IQCE: variants seen among roughly 807,000 people sequenced by gnomAD.
IQCE encodes the protein IQ motif containing E.
A neutral mutation model predicts 96.0 loss-of-function variants in IQCE; 115 were observed. The observed-to-expected ratio is 1.20, with a 90% confidence interval of 1.03 to 1.40. IQCE has a LOEUF of 1.40. Ranked by LOEUF, IQCE falls within the 40% of genes most tolerant of loss-of-function variation. IQCE has a pLI of 0.00. For synonymous variants in IQCE, 412 were observed against 371.2 expected (o/e 1.11, Z -1.26); for missense variants, 1,041 against 909.1 (o/e 1.15, Z -1.87).
rs538653721 is a variant in IQCE at position 2,597,868 on chromosome 7, A to T, written c.1441-597A>T. ...TTTTTCATAGAGATGGGGTCTCGCT[A>T]TGTTGGCCAGGCTGGTCTTGAACTC... On this transcript the variant is annotated intron_variant, in intron 16 of 21. Coordinates refer to ENST00000402050, the MANE Select transcript of IQCE (RefSeq NM_152558.5). Among the ~76,000 whole-genome samples the T allele has an allele frequency of 7.2e-5, 11 of 152,020 alleles. No homozygotes were observed. The East Asian group carries it at 1.7e-3, about 24-fold the overall frequency.
intron 1 of IQCE, among the ~76,000 whole-genome samples, chr7:2,566,158 T>C (rs1449882460): frequency 1.3e-5 from 2 of 152,244 alleles, no homozygotes. Context: ...CATTCAGCTC[T>C]AACTTCCAGT....
At position 2,586,375 on chromosome 7, in the gene IQCE, C is replaced by A. The variant is rs755539386; in HGVS notation, c.988+4C>A. Reference sequence around the variant, plus strand: ...CCAACCATCTCCAAGACACAGGGTACCTTCCTGAAAGCCACTCCAGGAGGG... The same window carrying A: ...CCAACCATCTCCAAGACACAGGGTAACTTCCTGAAAGCCACTCCAGGAGGG... On this transcript the variant is annotated splice_donor_region_variant and intron_variant, in intron 12 of 21. Coordinates refer to ENST00000402050, the MANE Select transcript of IQCE (RefSeq NM_152558.5). 3.6e-5 allele frequency: 58 copies of A among 1,608,222 alleles called. No individual in the cohort carries two copies. The Admixed American group carries it at 9.5e-4, about 26-fold the overall frequency.
intron 10 of IQCE, 38 bp downstream of exon 10, chr7:2,583,747 C>T (rs538712238): frequency 1.6e-5 from 15 of 949,736 alleles, no homozygotes; most frequent in African/African-American, 5.4e-5. Context: ...GGGCGGGCAC[C>T]GAGCTGGGCG....
chr7:2,561,729 A>G (rs1426274550), intron 1 of IQCE, among the ~76,000 whole-genome samples: 3 of 152,130 alleles, frequency 2.0e-5, no homozygotes, highest in Admixed American at 1.3e-4. Context: ...CCTTACAATA[A>G]TATTTTTATA....
intron 15 of IQCE, among the ~76,000 whole-genome samples, chr7:2,594,415 C>T (rs866909437): frequency 7.2e-5 from 11 of 152,280 alleles, no homozygotes; most frequent in Middle Eastern, 3.4e-3. Context: ...ATCTAAATTG[C>T]AATGCCTTCT....
At position 2,590,058 on chromosome 7, in the gene IQCE, A is replaced by C; in HGVS notation, c.1196A>C (p.Asp399Ala). The C allele has an allele frequency of 6.2e-7, 1 of 1,613,500 alleles. No individual in the cohort carries two copies. Reference sequence around the variant, plus strand: ...GAGCGTCTCCGAGGGGCTGTGAGAGACCTGAAGGAAGAGCGGACCGCGCTG... The same window carrying C: ...GAGCGTCTCCGAGGGGCTGTGAGAGCCCTGAAGGAAGAGCGGACCGCGCTG... ...DHERLRGAVR[D>A]LKEERTALQE... is the part of the protein sequence containing the mutation. Residue 399 changes from aspartate (D) to alanine (A), a missense_variant, in exon 14 of 22, where the codon GAC (aspartate) becomes GCC (alanine). Coordinates refer to ENST00000402050, the MANE Select transcript of IQCE (RefSeq NM_152558.5).
intron 6 of IQCE, among the ~76,000 whole-genome samples, chr7:2,576,772 T>C (rs1197336247): frequency 6.6e-6 from 1 of 152,180 alleles, no homozygotes; most frequent in Non-Finnish European, 1.5e-5. Flanking sequence ...AGATAAAGAT[T>C]GGGAAGCACT....
chr7:2,572,115 GAAAGTTGATTAGAA>G, intron 4 of IQCE, 63 bp from the exon 5 acceptor site: 2 of 1,480,136 alleles, frequency 1.4e-6, no homozygotes, highest in Non-Finnish European at 1.8e-6. Flanking sequence ...TTCAATCCAG[GAAAGTTGATTAGAA>G]ACAAAACCTC....
Position 2,583,653 on chromosome 7 carries a change from A to G in IQCE, c.718A>G (p.Met240Val). Residue 240 changes from methionine to valine, a missense_variant, in exon 10 of 22, where the codon ATG becomes GTG. Physicochemically the swap from Met to Val is conservative, Grantham distance 21 (BLOSUM62 1). Coordinates refer to ENST00000402050, the MANE Select transcript of IQCE (RefSeq NM_152558.5). The stretch of plus-strand genomic sequence containing the variant: ...GGTTTTCAGCAAACTCCAGACCGAT[A>G]TGAAGACTACCAACCTGGAAGAGAT... The part of the protein sequence containing the change: ...DGTISKLQTD[M>V]KTTNLEEMRI... 2 of 1,587,018 alleles carry G rather than the reference A, an allele frequency of 1.3e-6. No homozygotes were observed. Among genetic ancestry groups the G allele is most frequent in the Non-Finnish European group, 1.7e-6 (2 of 1,163,194 alleles).
At chr7:2,609,225 C>T (rs1385388996) in intron 21 of IQCE, among the ~76,000 whole-genome samples, 2 of 151,818 alleles carry the variant, frequency 1.3e-5, no homozygotes, top group Non-Finnish European at 2.9e-5. Flanking sequence ...GGGGAATGGC[C>T]GAGCAGCTTG....
intron 1 of IQCE, chr7:2,559,483 C>T: frequency 4.1e-6 from 1 of 241,680 alleles, no homozygotes; most frequent in Non-Finnish European, 7.9e-6. Context: ...CTCTGGGCGC[C>T]TGCGAGTCTG....
At chr7:2,585,970 G>A (rs974035479) in intron 11 of IQCE, among the ~76,000 whole-genome samples, 5 of 152,064 alleles carry the variant, frequency 3.3e-5, no homozygotes, top group African/African-American at 4.8e-5. Flanking sequence ...GGTTGAACAC[G>A]GTATTTTGTT....
Position 2,607,130 on chromosome 7 carries a change from C to T in IQCE, c.1872C>T (p.Thr624=), listed in dbSNP as rs750208569. 8.3e-5 allele frequency: 133 copies of T among 1,598,520 alleles called. 1 individual carries two copies. Among genetic ancestry groups the T allele is most frequent in the Admixed American group, 7.9e-4 (45 of 56,690 alleles). The change falls in exon 21 of 22, where the codon ACC becomes ACT. Residue 624 remains threonine (T), a synonymous_variant. Coordinates refer to ENST00000402050, the MANE Select transcript of IQCE (RefSeq NM_152558.5). ...AHLARARHSA[T]GKRTTTAAST... ...GTTTTCTGTTTTTTTCCAGTGCTACCGGTAAAAGAACCACCACCGCAGCTT... is the reference window on the plus strand; with the variant it reads ...GTTTTCTGTTTTTTTCCAGTGCTACTGGTAAAAGAACCACCACCGCAGCTT...
intron 21 of IQCE, among the ~76,000 whole-genome samples, chr7:2,609,578 AG>A (rs1785019434): frequency 6.6e-6 from 1 of 152,238 alleles, no homozygotes; most frequent in Non-Finnish European, 1.5e-5. Flanking sequence ...CTGCTTTTGC[AG>A]GTGTTTTGAC....
chr7:2,610,234 T>G lies in IQCE; in HGVS notation c.*72T>G. ...ATAGGAACCACGACTGGAAAGATAA[T>G]TTATCGTGTTAGGAGAAGAACGATG... On this transcript the variant is annotated 3_prime_UTR_variant, in exon 22 of 22. Coordinates refer to ENST00000402050, the MANE Select transcript of IQCE (RefSeq NM_152558.5). 1.1e-6 allele frequency: 1 copy of G among 903,312 alleles called. No homozygotes were observed. The highest frequency in any genetic ancestry group is 1.9e-6 in the Non-Finnish European group (1 of 534,904). 56.0% of individuals were successfully genotyped at this position (903,312 alleles called of 1,614,324 possible). A position where few individuals can be genotyped will look rare whatever the true frequency, so the allele number is the denominator to read the frequency against.
At chr7:2,605,662 A>AAATT (rs1417705176) in intron 19 of IQCE, among the ~76,000 whole-genome samples, 1 of 151,724 alleles carries the variant, frequency 6.6e-6, no homozygotes, top group Non-Finnish European at 1.5e-5. Flanking sequence ...ATAAATAAAT[A>AAATT]AATAGATAAA....
intron 1 of IQCE, among the ~76,000 whole-genome samples, chr7:2,562,420 T>C (rs573042657): frequency 8.8e-4 from 134 of 152,176 alleles, no homozygotes; most frequent in African/African-American, 2.9e-3. Context: ...TTGGTATCAG[T>C]GTAATATAGG....
chr7:2,584,509 A>G (rs1204916248), intron 11 of IQCE: 2 of 558,256 alleles, frequency 3.6e-6, no homozygotes, highest in Admixed American at 2.9e-5. Context: ...ACGCGTGTTC[A>G]ATGCCGCCCG....
At chr7:2,584,998 C>T (rs1003216452) in intron 11 of IQCE, among the ~76,000 whole-genome samples, 3 of 152,084 alleles carry the variant, frequency 2.0e-5, no homozygotes, top group Non-Finnish European at 4.4e-5. Context: ...GAATACTAAA[C>T]CACTGCTCCA....
Sources: allele counts gnomAD v4.1 joint callset (sites outside exome capture counted in the v4.1 genomes callset), GRCh38; gene constraint gnomAD v4.1.1; transcripts MANE v1.5; gene names NCBI Gene and HGNC (gene_info 2026-07-23, HGNC 2026-07-21).